Variants in S100Z observed in about 807,000 individuals in gnomAD.
S100Z encodes the protein protein S100-Z.
In S100Z, 11 loss-of-function variants were observed where a neutral mutation model predicts 8.5. The ratio of observed to expected loss-of-function variants is 1.30; its 90% CI spans 0.82 to 2.15. S100Z has a LOEUF of 2.15. Among genes scored for constraint, S100Z ranks in the 30% most tolerant of loss-of-function variants. The pLI, the probability that S100Z is intolerant of heterozygous loss-of-function variation, is 0.00. For synonymous variants in S100Z, 34 were observed against 43.8 expected, an observed-to-expected ratio of 0.78 and a Z score of 0.89; for missense variants, 126 against 117.9, an observed-to-expected ratio of 1.07 and a Z score of -0.32.
chr5:76,916,033 C>T (rs1173464713), intron 4 of S100Z, among the ~76,000 whole-genome samples: 1 of 151,814 alleles, frequency 6.6e-6, no homozygotes, highest in Non-Finnish European at 1.5e-5. Context: ...TGGAGGTACA[C>T]ACTTGTAATC....
At chr5:76,871,480 A>G (rs1401942181) in intron 2 of S100Z, among the ~76,000 whole-genome samples, 1 of 151,794 alleles carries the variant, frequency 6.6e-6, no homozygotes, top group Non-Finnish European at 1.5e-5. Context: ...TCTTTAGACA[A>G]CAATGCTTAA....
intron 1 of S100Z, among the ~76,000 whole-genome samples, chr5:76,858,975 A>T (rs1180073117): frequency 6.6e-6 from 1 of 152,086 alleles, no homozygotes; most frequent in African/African-American, 2.4e-5. Context: ...TTAGCCAGGC[A>T]TGAGAGTGCA....
intron 4 of S100Z, among the ~76,000 whole-genome samples, chr5:76,890,599 A>G (rs1743823948): frequency 6.6e-6 from 1 of 152,126 alleles, no homozygotes; most frequent in Non-Finnish European, 1.5e-5. Flanking sequence ...GCAGTAATCT[A>G]TGATTGTGCC....
intron 4 of S100Z, among the ~76,000 whole-genome samples, chr5:76,904,324 A>C (rs1744346895): frequency 6.6e-6 from 1 of 151,830 alleles, no homozygotes; most frequent in Admixed American, 6.6e-5. Flanking sequence ...CCTCCAAAGT[A>C]GCTGGAGTGC....
At chr5:76,894,840 C>T (rs191420025) in intron 4 of S100Z, among the ~76,000 whole-genome samples, 6 of 152,172 alleles carry the variant, frequency 3.9e-5, no homozygotes, top group South Asian at 2.1e-4. Context: ...CCACCCGCCT[C>T]GGCCTCCCAA....
At chr5:76,902,730 T>C (rs1440951102) in intron 4 of S100Z, among the ~76,000 whole-genome samples, 1 of 151,982 alleles carries the variant, frequency 6.6e-6, no homozygotes. Context: ...CATTCCACCA[T>C]CTTGGTCTGC....
the S100Z span, among the ~76,000 whole-genome samples, chr5:76,951,295 G>GTGC: frequency 6.6e-6 from 1 of 152,232 alleles, no homozygotes; most frequent in African/African-American, 2.4e-5. Context: ...ACTGTTGTCT[G>GTGC]TGCACGTGCA....
At chr5:76,899,471 T>C (rs1361238161) in intron 4 of S100Z, among the ~76,000 whole-genome samples, 1 of 151,980 alleles carries the variant, frequency 6.6e-6, no homozygotes, top group Non-Finnish European at 1.5e-5. Context: ...TTTTCTCTGG[T>C]GATGTGATTT....
At chr5:76,927,084 G>A in the S100Z span, among the ~76,000 whole-genome samples, 1 of 152,154 alleles carries the variant, frequency 6.6e-6, no homozygotes, top group South Asian at 2.1e-4. Flanking sequence ...TACGCTAATA[G>A]TAGTAACATA....
chr5:76,929,967 C>A, the S100Z span, among the ~76,000 whole-genome samples: 1 of 152,180 alleles, frequency 6.6e-6, no homozygotes, highest in Non-Finnish European at 1.5e-5. Flanking sequence ...GATTTGTAGA[C>A]CTTCATGTGA....
At chr5:76,941,435 C>T in the S100Z span, among the ~76,000 whole-genome samples, 1 of 152,228 alleles carries the variant, frequency 6.6e-6, no homozygotes, top group Non-Finnish European at 1.5e-5. Context: ...CCTACACACG[C>T]TCTCTTGCCT....
chr5:76,948,035 T>G, the S100Z span, among the ~76,000 whole-genome samples: 1 of 152,014 alleles, frequency 6.6e-6, no homozygotes, highest in African/African-American at 2.4e-5. Context: ...CCAAAAAGCT[T>G]CTTCTGCAGG....
the S100Z span, among the ~76,000 whole-genome samples, chr5:76,945,337 A>G: frequency 2.6e-5 from 4 of 152,132 alleles, no homozygotes; most frequent in Admixed American, 6.6e-5. Context: ...AAGGGATGGG[A>G]AAGACCTGAC....
intron 1 of S100Z, among the ~76,000 whole-genome samples, chr5:76,852,886 A>G (rs954436866): frequency 6.6e-6 from 1 of 152,230 alleles, no homozygotes; most frequent in African/African-American, 2.4e-5. Flanking sequence ...GTCTTATCCT[A>G]TCTTATCAGC....
downstream of S100Z, among the ~76,000 whole-genome samples, chr5:76,925,246 G>A (rs1403454534): frequency 2.6e-5 from 4 of 152,116 alleles, no homozygotes; most frequent in South Asian, 2.1e-4. Context: ...CTTCTAACAC[G>A]TTCTATTGGT....
chr5:76,855,025 G>T (rs1579988468), intron 1 of S100Z, among the ~76,000 whole-genome samples: 1 of 152,242 alleles, frequency 6.6e-6, no homozygotes, highest in Admixed American at 6.5e-5. Flanking sequence ...AGCCTTGGTG[G>T]TTTCCACATG....
chr5:76,879,064 A>G (rs1743298208), intron 4 of S100Z, among the ~76,000 whole-genome samples: 1 of 152,106 alleles, frequency 6.6e-6, no homozygotes, highest in Admixed American at 6.6e-5. Flanking sequence ...GGGGCTTGTA[A>G]TAGTTCTGGA....
chr5:76,863,573 C>CT (rs1751130212), intron 1 of S100Z, among the ~76,000 whole-genome samples: 1 of 152,188 alleles, frequency 6.6e-6, no homozygotes, highest in Non-Finnish European at 1.5e-5. Context: ...GAGTCTCACT[C>CT]TGTTGCCCAG....
At chr5:76,927,239 A>G in the S100Z span, among the ~76,000 whole-genome samples, 37 of 152,252 alleles carry the variant, frequency 2.4e-4, no homozygotes, top group East Asian at 6.0e-3. Context: ...CTAAAGCCCA[A>G]TTGCCTCACA....
Sources: gnomAD v4.1 joint callset for allele counts (sites outside exome capture counted in the v4.1 genomes callset) on GRCh38, gnomAD v4.1.1 for gene constraint, MANE v1.5 for transcripts, NCBI Gene and HGNC (gene_info 2026-07-23, HGNC 2026-07-21) for gene names.